Variants in MICOS10 observed in about 807,000 individuals in gnomAD.
MICOS10 encodes the protein MICOS complex subunit MIC10.
MICOS10 carries 5 observed loss-of-function variants against 13.4 expected under a neutral mutation model. The ratio of observed to expected loss-of-function variants is 0.37; its 90% CI spans 0.20 to 0.78. MICOS10 has a LOEUF of 0.78. Among genes scored for constraint, MICOS10 ranks in the 30% least tolerant of loss-of-function variants. MICOS10 has a pLI of 0.47. For missense variants in MICOS10, 101 were observed against 94.6 expected (o/e 1.07, Z -0.28); for synonymous variants, 35 against 33.6 (o/e 1.04, Z -0.15).
chr1:19,626,215 C>A (rs2094921583), intron 3 of MICOS10, among the ~76,000 whole-genome samples, 172 bp from the exon 4 acceptor site: 1 of 152,194 alleles, frequency 6.6e-6, no homozygotes, highest in Admixed American at 6.5e-5. Flanking sequence ...CTGGATGGCA[C>A]TCTTAGGAAC....
chr1:19,626,534 G>C lies in MICOS10; in HGVS notation c.*133G>C, dbSNP rs2094922698. On this transcript the variant is annotated 3_prime_UTR_variant, in exon 4 of 4. Transcript: ENST00000322753. Reference sequence around the variant, plus strand: ...AGTAATGCTTTAAACTCCAGCACCTGGTTATGCATTTGAAACCAAGTCTGT... The same window carrying C: ...AGTAATGCTTTAAACTCCAGCACCTCGTTATGCATTTGAAACCAAGTCTGT... The C allele has an allele frequency of 1.1e-6, 1 of 929,778 alleles. No individual in the cohort carries two copies. The allele number at this position is 929,778 out of a possible 1,614,324, so 57.6% of individuals were successfully genotyped here. A position where few individuals can be genotyped will look rare whatever the true frequency, so the allele number is the denominator to read the frequency against.
chr1:19,601,187 G>A, intron 1 of MICOS10: 1 of 364,120 alleles, frequency 2.7e-6, no homozygotes, highest in Non-Finnish European at 5.3e-6. Flanking sequence ...TCACCCTGAG[G>A]CTTGAATAAT....
intron 1 of MICOS10, among the ~76,000 whole-genome samples, chr1:19,611,747 G>A (rs1379101462): frequency 6.6e-6 from 1 of 151,734 alleles, no homozygotes; most frequent in African/African-American, 2.4e-5. Context: ...TGAGGCAGGC[G>A]GATCACTTGA....
Position 19,626,393 on chromosome 1 carries a change from G to C in MICOS10, c.229G>C (p.Glu77Gln), listed in dbSNP as rs200781581. ...GAATGTCCTTGCTTTACAGGAGCAG[G>C]AGCAGTGACTTCACCTGAGAACATC... ...LLHGKYVKEQEQ is the reference protein window; with the variant it reads ...LLHGKYVKEQQQ Residue 77 changes from glutamate to glutamine, a missense_variant, in exon 4 of 4, where the codon GAG becomes CAG. Glu to Gln is a conservative substitution (Grantham distance 29). Coordinates refer to ENST00000322753, the MANE Select transcript of MICOS10 (RefSeq NM_001032363.4). The C allele has an allele frequency of 1.1e-5, 18 of 1,613,838 alleles. No individual in the cohort carries two copies. The Admixed American group carries it at 3.0e-4, about 27-fold the overall frequency.
At chr1:19,616,304 C>T (rs1232283285) in intron 1 of MICOS10, among the ~76,000 whole-genome samples, 4 of 152,076 alleles carry the variant, frequency 2.6e-5, no homozygotes, top group African/African-American at 4.8e-5. Flanking sequence ...AATGAATCCC[C>T]GATTCTTATA....
chr1:19,600,866 G>T (rs1272179027), intron 1 of MICOS10: 1 of 1,288,114 alleles, frequency 7.8e-7, no homozygotes, highest in Admixed American at 2.3e-5. Context: ...CTCCCAACGT[G>T]CCAGGATTAC....
intron 2 of MICOS10, among the ~76,000 whole-genome samples, chr1:19,622,920 C>CCTTTTTTTTTTTTTTTTTTTTTTTTT (rs1553310371): frequency 7.6e-6 from 1 of 131,926 alleles, no homozygotes; most frequent in African/African-American, 2.9e-5. Flanking sequence ...TATTTTACTA[C>CCTTTTTTTTTTTTTTTTTTTTTTTTT]TTTTTTTTTT....
In MICOS10 at chr1:19,626,587, G is replaced by A. The variant is rs1293860195; in HGVS notation, c.*186G>A. ...CTTGTTTTGTATTTTCTCTCTGGAA[G>A]TTGTAAGGAGGTGGTCTTAAATAAA... On this transcript the variant is annotated 3_prime_UTR_variant, in exon 4 of 4. Coordinates refer to ENST00000322753, the MANE Select transcript of MICOS10 (RefSeq NM_001032363.4). 9.3e-6 allele frequency: 6 copies of A among 645,578 alleles called. No individual in the cohort carries two copies. Among genetic ancestry groups the A allele is most frequent in the Admixed American group, 8.3e-5 (3 of 36,240 alleles). The allele number at this position is 645,578 out of a possible 1,614,324, so 40.0% of individuals were successfully genotyped here. A position where few individuals can be genotyped will look rare whatever the true frequency, so the allele number is the denominator to read the frequency against.
intron 1 of MICOS10, among the ~76,000 whole-genome samples, chr1:19,615,938 G>A (rs1434012558): frequency 6.6e-6 from 1 of 151,016 alleles, no homozygotes; most frequent in African/African-American, 2.4e-5. Context: ...TTATTTTTTA[G>A]ACGGAGTCTT....
intron 1 of MICOS10, among the ~76,000 whole-genome samples, chr1:19,605,316 G>GT (rs1204045078): frequency 6.6e-6 from 1 of 152,134 alleles, no homozygotes; most frequent in East Asian, 1.9e-4. Flanking sequence ...TACAATTTTA[G>GT]TTTTTTCACC....
chr1:19,623,653 T>A (rs1199871046), intron 3 of MICOS10, 70 bp downstream of exon 3: 32 of 1,102,778 alleles, frequency 2.9e-5, no homozygotes, highest in Non-Finnish European at 4.2e-5. Flanking sequence ...GAAGAATTCT[T>A]TAGACTGTTT....
chr1:19,608,454 C>A (rs763897504), intron 1 of MICOS10: 1 of 1,280,494 alleles, frequency 7.8e-7, no homozygotes, highest in East Asian at 2.3e-5. Flanking sequence ...GGGGCCCAGT[C>A]GGCCCTCAGA....
At chr1:19,626,286 T>A in intron 3 of MICOS10, 101 bp from the exon 4 acceptor site, 1 of 1,395,982 alleles carries the variant, frequency 7.2e-7, no homozygotes, top group Non-Finnish European at 1.0e-6. Context: ...TGTGATAAGG[T>A]TTTGGCTTCT....
intron 2 of MICOS10, among the ~76,000 whole-genome samples, chr1:19,622,807 A>T (rs1351248276): frequency 6.6e-6 from 1 of 152,194 alleles, no homozygotes; most frequent in Admixed American, 6.5e-5. Flanking sequence ...AAATGCTTAC[A>T]TCTTTTTAGA....
chr1:19,629,747 G>A lies in MICOS10; in HGVS notation c.*3346G>A, dbSNP rs1305636404. 6.6e-6 allele frequency: 1 copy of A among 152,120 alleles called. No individual in the cohort carries two copies. The highest frequency in any genetic ancestry group is 1.5e-5 in the Non-Finnish European group (1 of 68,022). 9.4% of individuals were successfully genotyped at this position (152,120 alleles called of 1,614,324 possible). On this transcript the variant is annotated 3_prime_UTR_variant, in exon 4 of 4. Coordinates refer to ENST00000322753, the MANE Select transcript of MICOS10 (RefSeq NM_001032363.4). ...CCCATAATTGCATTTTACTTGTCGT[G>A]GTTCGATCTGATTGTATTGTCGAAG...
In MICOS10 at chr1:19,623,534, G is replaced by C. The variant is rs765616426; in HGVS notation, c.173G>C (p.Cys58Ser). ...GGATTAGGAATGGCTTATTCCAACT[G>C]TCAGCATGATTTCCAGGCTCCATAT... ...GMGLGMAYSN[C>S]QHDFQAPYLL... The change falls in exon 3 of 4, where the codon TGT (cysteine) becomes TCT (serine). Residue 58 changes from cysteine to serine, a missense_variant. Cys to Ser is a moderately radical substitution (Grantham distance 112). Coordinates refer to ENST00000322753, the MANE Select transcript of MICOS10 (RefSeq NM_001032363.4). 4 of 1,613,418 alleles carry C rather than the reference G, an allele frequency of 2.5e-6. No individual in the cohort carries two copies. Among genetic ancestry groups the C allele is most frequent in the Non-Finnish European group, 3.4e-6 (4 of 1,179,776 alleles).
At chr1:19,618,049 C>T (rs527777849) in intron 1 of MICOS10, among the ~76,000 whole-genome samples, 165 of 151,652 alleles carry the variant, frequency 1.1e-3, no homozygotes, top group African/African-American at 3.8e-3. Context: ...GTGGCTTATC[C>T]ACAGTGTGAT....
chr1:19,622,721 T>C (rs1433611878), intron 2 of MICOS10, among the ~76,000 whole-genome samples: 1 of 152,176 alleles, frequency 6.6e-6, no homozygotes, highest in Non-Finnish European at 1.5e-5. Context: ...AGTGCTGATA[T>C]GAAAGAATCA....
intron 2 of MICOS10, 142 bp downstream of exon 2, chr1:19,622,289 A>G: frequency 1.8e-6 from 1 of 561,600 alleles, no homozygotes; most frequent in Non-Finnish European, 3.1e-6. Flanking sequence ...CCCATTATAA[A>G]ATGAATTAGA....
Sources: allele counts gnomAD v4.1 joint callset (sites outside exome capture counted in the v4.1 genomes callset), GRCh38; gene constraint gnomAD v4.1.1; transcripts MANE v1.5; gene names NCBI Gene and HGNC (gene_info 2026-07-23, HGNC 2026-07-21).